LRBA: variants seen among roughly 807,000 people sequenced by gnomAD.
LRBA encodes lipopolysaccharide-responsive and beige-like anchor protein.
In LRBA, 176 loss-of-function variants were observed where a neutral mutation model predicts 330.0. The ratio of observed to expected loss-of-function variants is 0.53; its 90% CI spans 0.47 to 0.60. The LOEUF is 0.60. Ranked by LOEUF, LRBA falls within the 20% of genes least tolerant of loss-of-function variation. The pLI, the probability that LRBA is intolerant of heterozygous loss-of-function variation, is 0.00. For synonymous variants in LRBA, 1,230 were observed against 1,193.0 expected (o/e 1.03, Z -0.64); for missense variants, 3,259 against 3,444.8 (o/e 0.95, Z 1.35).
At chr4:150,803,044 TAAAAAC>T (rs1230102482) in intron 33 of LRBA, among the ~76,000 whole-genome samples, 3,370 of 92,368 alleles carry the variant, frequency 0.036, 56 homozygotes, top group Non-Finnish European at 0.053. Flanking sequence ...AAAAAAAAAC[TAAAAAC>T]AAAAACAAAA....
rs146156864 is a variant in LRBA at position 150,336,070 on chromosome 4, C to T, written c.7363-10172G>A. On this transcript the variant is annotated intron_variant, in intron 48 of 56. Transcript: ENST00000651943. ...TAGCAAGAAATACATATATTTTTAA[C>T]TTTTATTTTAGGTTCAGAGGTACAT... 1.6e-3 allele frequency among the ~76,000 whole-genome samples: 249 copies of T among 152,238 alleles called. 1 individual carries two copies. Among genetic ancestry groups the T allele is most frequent in the East Asian group, 0.015 (76 of 5,180 alleles).
At chr4:150,304,561 G>A (rs1490327701) in intron 52 of LRBA, among the ~76,000 whole-genome samples, 2 of 152,070 alleles carry the variant, frequency 1.3e-5, no homozygotes, top group Non-Finnish European at 2.9e-5. Flanking sequence ...GCTGCTAAAT[G>A]TTCAAGATGT....
chr4:150,311,344 A>C (rs955397187), intron 51 of LRBA: 10 of 152,232 alleles, frequency 6.6e-5, no homozygotes, highest in African/African-American at 2.4e-4. Flanking sequence ...CAGAACAAAC[A>C]AACTTCTGCA....
rs565101864 is a variant in LRBA at position 150,560,836 on chromosome 4, A to G, written c.6330+27212T>C. ...ACCCCGTCTCTACTAAAAATACAAA[A>G]TTAGTCGGGCATGGTGGCACATGTC... On this transcript the variant is annotated intron_variant, in intron 40 of 56. Transcript: ENST00000651943. Among the ~76,000 whole-genome samples the G allele has an allele frequency of 3.3e-5, 5 of 152,196 alleles. No homozygotes were observed. The East Asian group carries it at 9.7e-4, about 29-fold the overall frequency.
intron 47 of LRBA, among the ~76,000 whole-genome samples, chr4:150,386,899 C>T (rs561709399): frequency 1.3e-5 from 2 of 152,250 alleles, no homozygotes; most frequent in African/African-American, 2.4e-5. Flanking sequence ...AAGAGCATTC[C>T]TTTTTCTACA....
At chr4:150,676,792 G>T (rs1176814928) in intron 37 of LRBA, among the ~76,000 whole-genome samples, 2 of 152,142 alleles carry the variant, frequency 1.3e-5, no homozygotes, top group African/African-American at 4.8e-5. Context: ...AGACTTAAAA[G>T]TTCAAGCACC....
chr4:150,528,141 A>G (rs1164995163), intron 40 of LRBA, among the ~76,000 whole-genome samples: 1 of 152,166 alleles, frequency 6.6e-6, no homozygotes, highest in Non-Finnish European at 1.5e-5. Context: ...TACTATAAAT[A>G]TCAACTTCTG....
At chr4:150,816,376 T>C (rs1418486579) in intron 31 of LRBA, among the ~76,000 whole-genome samples, 2 of 152,024 alleles carry the variant, frequency 1.3e-5, no homozygotes, top group African/African-American at 4.8e-5. Flanking sequence ...GTAACATCCC[T>C]TTTGTTATAC....
intron 8 of LRBA, among the ~76,000 whole-genome samples, chr4:150,915,261 T>C (rs1269631967): frequency 6.6e-6 from 1 of 152,142 alleles, no homozygotes. Context: ...GTTAGAATTA[T>C]ATGCAAGATT....
intron 40 of LRBA, among the ~76,000 whole-genome samples, chr4:150,516,494 G>A (rs571124341): frequency 6.6e-6 from 1 of 151,638 alleles, no homozygotes; most frequent in African/African-American, 2.4e-5. Flanking sequence ...AAATATGACT[G>A]ATAAAGTCAA....
intron 53 of LRBA, among the ~76,000 whole-genome samples, chr4:150,300,908 A>G (rs1455958299): frequency 2.6e-5 from 4 of 152,094 alleles, no homozygotes; most frequent in Non-Finnish European, 5.9e-5. Flanking sequence ...GGTGTATAAC[A>G]TAGAGAACAT....
At chr4:150,694,346 A>G (rs1347045466) in intron 36 of LRBA, among the ~76,000 whole-genome samples, 2 of 151,982 alleles carry the variant, frequency 1.3e-5, no homozygotes, top group Admixed American at 1.3e-4. Context: ...TACTTGTCTC[A>G]CTGAAAACAA....
At chr4:150,853,092 G>A in intron 22 of LRBA, 149 bp from the exon 23 acceptor site, 1 of 438,018 alleles carries the variant, frequency 2.3e-6, no homozygotes, top group Non-Finnish European at 3.9e-6. Flanking sequence ...AATGATAAAT[G>A]TAAGTCAATC....
At position 150,432,582 on chromosome 4, in the gene LRBA, C is replaced by T. The variant is rs537633001; in HGVS notation, c.7041+3007G>A. ...ACGCCATTCTCCTGCCTCAGCCTCC[C>T]GAGTAGCTGGGACTACAGGTGCCTG... On this transcript the variant is annotated intron_variant, in intron 46 of 56. Transcript: ENST00000651943. Among the ~76,000 whole-genome samples the T allele has an allele frequency of 8.6e-5, 13 of 151,032 alleles. No individual in the cohort carries two copies. The East Asian group carries it at 1.6e-3, about 18-fold the overall frequency.
chr4:150,757,903 G>C (rs1210909103), intron 35 of LRBA, among the ~76,000 whole-genome samples: 1 of 152,082 alleles, frequency 6.6e-6, no homozygotes, highest in East Asian at 1.9e-4. Context: ...CTGAAGTAAA[G>C]AAGACAGTTT....
intron 47 of LRBA, among the ~76,000 whole-genome samples, chr4:150,359,553 A>G (rs1434004850): frequency 6.6e-6 from 1 of 152,220 alleles, no homozygotes; most frequent in African/African-American, 2.4e-5. Flanking sequence ...GAAATTGTTT[A>G]CATGGTAGAA....
intron 40 of LRBA, among the ~76,000 whole-genome samples, chr4:150,509,248 A>C (rs1761534959): frequency 6.6e-6 from 1 of 152,112 alleles, no homozygotes; most frequent in Non-Finnish European, 1.5e-5. Flanking sequence ...ATTTAAAAAA[A>C]GCTATCTGGA....
chr4:151,009,817 A>G (rs958928011), intron 2 of LRBA, among the ~76,000 whole-genome samples: 1 of 151,610 alleles, frequency 6.6e-6, no homozygotes, highest in East Asian at 2.0e-4. Context: ...TGTCTCTACT[A>G]AAAATACAAA....
At chr4:150,803,907 T>A (rs2126699072) in intron 33 of LRBA, among the ~76,000 whole-genome samples, 1 of 152,214 alleles carries the variant, frequency 6.6e-6, no homozygotes, top group East Asian at 1.9e-4. Context: ...TGCTAATGCT[T>A]CTGGGTATTT....
Sources: gnomAD v4.1 joint callset for allele counts (sites outside exome capture counted in the v4.1 genomes callset) on GRCh38, gnomAD v4.1.1 for gene constraint, MANE v1.5 for transcripts, NCBI Gene and HGNC (gene_info 2026-07-23, HGNC 2026-07-21) for gene names.